The following HDHD2 variants were observed in gnomAD, a reference collection of about 807,000 sequenced individuals.
HDHD2 encodes haloacid dehalogenase-like hydrolase domain-containing protein 2.
In HDHD2, 26 loss-of-function variants were observed where a neutral mutation model predicts 24.8. The ratio of observed to expected loss-of-function variants is 1.05; its 90% CI spans 0.77 to 1.45. HDHD2 has a LOEUF of 1.45. HDHD2 is among the 40% of genes most tolerant of loss of function. HDHD2 has a pLI of 0.00. For synonymous variants in HDHD2, 128 were observed against 114.9 expected, an observed-to-expected ratio of 1.11 and a Z score of -0.73; for missense variants, 299 against 313.4, an observed-to-expected ratio of 0.95 and a Z score of 0.35.
intron 6 of HDHD2, chr18:47,110,188 A>G: frequency 8.1e-6 from 8 of 985,458 alleles, no homozygotes; most frequent in Non-Finnish European, 9.6e-6. Context: ...ACAAACACAA[A>G]GCCTGAAAAA....
In HDHD2 at chr18:47,133,650, T is replaced by C. The variant is rs905058733; in HGVS notation, c.310+846A>G. 5.9e-5 allele frequency among the ~76,000 whole-genome samples: 9 copies of C among 152,140 alleles called. No homozygotes were observed. In the East Asian group the frequency reaches 1.5e-3, roughly 26 times the overall value. ...ATTCTCTCCAGCATCTGTTGTTTCCTGTCTTTTTAATGATCGCCATTCTAA... is the reference window on the plus strand; with the variant it reads ...ATTCTCTCCAGCATCTGTTGTTTCCCGTCTTTTTAATGATCGCCATTCTAA... On this transcript the variant is annotated intron_variant, in intron 3 of 6. Transcript: ENST00000300605.
chr18:47,140,247 C>T (rs1193529464), intron 1 of HDHD2, among the ~76,000 whole-genome samples: 1 of 152,154 alleles, frequency 6.6e-6, no homozygotes, highest in African/African-American at 2.4e-5. Context: ...GGGATTCTGA[C>T]TAGAACTACA....
At chr18:47,136,626 C>T (rs569842024) in intron 1 of HDHD2, among the ~76,000 whole-genome samples, 177 bp from the exon 2 acceptor site, 12 of 150,442 alleles carry the variant, frequency 8.0e-5, no homozygotes, top group Non-Finnish European at 1.5e-4. Context: ...ATCCATAAAC[C>T]TTTTACAATA....
At chr18:47,135,262 T>TC (rs1257383821) in intron 2 of HDHD2, among the ~76,000 whole-genome samples, 4 of 130,196 alleles carry the variant, frequency 3.1e-5, no homozygotes, top group Non-Finnish European at 7.0e-5. Context: ...TTTTTTCTTT[T>TC]TTTTTTTTTT....
intron 3 of HDHD2, among the ~76,000 whole-genome samples, chr18:47,134,142 C>G (rs1427667168): frequency 6.6e-6 from 1 of 152,128 alleles, no homozygotes; most frequent in African/African-American, 2.4e-5. Flanking sequence ...GGGTCGTGAT[C>G]TATTATTAGA....
intron 4 of HDHD2, among the ~76,000 whole-genome samples, chr18:47,127,437 C>CA (rs1418917218): frequency 3.3e-5 from 5 of 152,070 alleles, no homozygotes; most frequent in African/African-American, 1.2e-4. Context: ...GGCAGCGTTA[C>CA]AGGTAATTTT....
intron 6 of HDHD2, among the ~76,000 whole-genome samples, chr18:47,112,111 G>A (rs796082302): frequency 5.9e-5 from 9 of 152,274 alleles, no homozygotes; most frequent in African/African-American, 2.2e-4. Flanking sequence ...GGGGAAGAAG[G>A]GCTTTTCATT....
At chr18:47,126,320 C>G (rs2063657502) in intron 4 of HDHD2, among the ~76,000 whole-genome samples, 1 of 152,196 alleles carries the variant, frequency 6.6e-6, no homozygotes, top group African/African-American at 2.4e-5. Context: ...GAGGCCATTA[C>G]TGTCTGTTTG....
intron 1 of HDHD2, among the ~76,000 whole-genome samples, chr18:47,148,343 G>C (rs1008031665): frequency 1.3e-5 from 2 of 152,176 alleles, no homozygotes; most frequent in African/African-American, 4.8e-5. Context: ...TTGATAAAAT[G>C]TAATTGTAAA....
intron 3 of HDHD2, among the ~76,000 whole-genome samples, chr18:47,132,784 C>T (rs924326573): frequency 6.6e-5 from 10 of 152,176 alleles, no homozygotes; most frequent in African/African-American, 2.4e-4. Flanking sequence ...CTATCATATT[C>T]TTTCAGAATC....
At chr18:47,134,749 C>A (rs750668226) in intron 2 of HDHD2, 45 bp from the exon 3 acceptor site, 1 of 1,483,380 alleles carries the variant, frequency 6.7e-7, no homozygotes, top group Non-Finnish European at 9.3e-7. Flanking sequence ...CTTTTACATT[C>A]TGGCCCTATA....
intron 1 of HDHD2, among the ~76,000 whole-genome samples, chr18:47,145,313 T>C (rs574289695): frequency 6.6e-6 from 1 of 152,346 alleles, no homozygotes; most frequent in South Asian, 2.1e-4. Flanking sequence ...GCCAAGACAC[T>C]TCGGCCAAGA....
chr18:47,146,428 G>A (rs2063871120), intron 1 of HDHD2, among the ~76,000 whole-genome samples: 1 of 152,120 alleles, frequency 6.6e-6, no homozygotes. Context: ...GAATATACTT[G>A]TACAAGCATT....
At chr18:47,130,487 A>G (rs1452449187) in intron 3 of HDHD2, among the ~76,000 whole-genome samples, 159 bp from the exon 4 acceptor site, 1 of 152,220 alleles carries the variant, frequency 6.6e-6, no homozygotes, top group Admixed American at 6.5e-5. Context: ...AGTATAAGAG[A>G]GTACACAGAA....
intron 1 of HDHD2, among the ~76,000 whole-genome samples, chr18:47,140,420 TTAAA>T (rs1437164153): frequency 6.6e-6 from 1 of 152,230 alleles, no homozygotes; most frequent in African/African-American, 2.4e-5. Context: ...CATTGCTATA[TTAAA>T]TTATTTTAAA....
At chr18:47,127,959 C>A (rs770033271) in intron 4 of HDHD2, among the ~76,000 whole-genome samples, 1 of 152,092 alleles carries the variant, frequency 6.6e-6, no homozygotes, top group Non-Finnish European at 1.5e-5. Context: ...TTTAACTAAT[C>A]GGTGGTTCAT....
At chr18:47,129,383 GAT>G (rs1261282787) in intron 4 of HDHD2, among the ~76,000 whole-genome samples, 1 of 152,022 alleles carries the variant, frequency 6.6e-6, no homozygotes, top group Non-Finnish European at 1.5e-5. Flanking sequence ...CACAGCCACT[GAT>G]GTCTCTCTGC....
intron 1 of HDHD2, among the ~76,000 whole-genome samples, chr18:47,149,762 T>G (rs1195767725): frequency 6.6e-6 from 1 of 152,182 alleles, no homozygotes; most frequent in Non-Finnish European, 1.5e-5. Context: ...AGGAGCCACC[T>G]GTGGTCCTAC....
chr18:47,116,724 T>G (rs2063560751), intron 4 of HDHD2, among the ~76,000 whole-genome samples: 1 of 152,206 alleles, frequency 6.6e-6, no homozygotes, highest in South Asian at 2.1e-4. Context: ...CTTATCTATC[T>G]CTTCTCCTGT....
Sources: gnomAD v4.1 joint callset for allele counts (sites outside exome capture counted in the v4.1 genomes callset) on GRCh38, gnomAD v4.1.1 for gene constraint, MANE v1.5 for transcripts, NCBI Gene and HGNC (gene_info 2026-07-23, HGNC 2026-07-21) for gene names.